LAMB4: variants seen among roughly 807,000 people sequenced by gnomAD.
LAMB4 encodes the protein laminin subunit beta 4.
LAMB4 carries 196 observed loss-of-function variants against 199.2 expected under a neutral mutation model. That is an observed-to-expected ratio of 0.98 (90% CI 0.88 to 1.11). The LOEUF (loss-of-function observed/expected upper bound fraction) is 1.11. LAMB4 is among the 50% of genes least tolerant of loss of function. The pLI is 0.00. For missense variants in LAMB4, 2,080 were observed against 2,171.2 expected (o/e 0.96, Z 0.83); for synonymous variants, 744 against 770.6 (o/e 0.97, Z 0.57).
At chr7:108,119,713 T>A (rs2038533732) in intron 2 of LAMB4, among the ~76,000 whole-genome samples, 1 of 152,086 alleles carries the variant, frequency 6.6e-6, no homozygotes, top group South Asian at 2.1e-4. Flanking sequence ...GGCACATAAA[T>A]CTATATGGTG....
In LAMB4 at chr7:108,095,286, T is replaced by C; in HGVS notation, c.1412A>G (p.Asp471Gly). Residue 471 changes from aspartate to glycine, a missense_variant, in exon 12 of 34, where the codon GAT becomes GGT. Coordinates refer to ENST00000388781, the MANE Select transcript of LAMB4 (RefSeq NM_007356.3). ...GSLPFLTCDV[D>G]TGQCLCLSYV... ...TGACAGGCACAAGCATTGGCCTGTA[T>C]CCACATCACAGGTCAAGAATGGCAG... 6.2e-7 allele frequency: 1 copy of C among 1,614,026 alleles called. No individual in the cohort carries two copies. Among genetic ancestry groups the C allele is most frequent in the Non-Finnish European group, 8.5e-7 (1 of 1,180,016 alleles).
chr7:108,020,448 G>T (rs147190413), downstream of LAMB4, among the ~76,000 whole-genome samples: 5,463 of 142,628 alleles, frequency 0.038, 354 homozygotes, highest in African/African-American at 0.14. Context: ...TCCAGCCTAG[G>T]TGACAGAGCA....
chr7:108,065,323 GA>G (rs145249933), intron 21 of LAMB4, among the ~76,000 whole-genome samples: 23,336 of 151,996 alleles, frequency 0.15, 5,422 homozygotes, highest in African/African-American at 0.5. Flanking sequence ...CAAGCTACCT[GA>G]AAAAAATTAG....
intron 23 of LAMB4, 137 bp from the exon 24 acceptor site, chr7:108,058,065 T>G: frequency 1.5e-6 from 1 of 653,950 alleles, no homozygotes; most frequent in Non-Finnish European, 2.7e-6. Flanking sequence ...GATTCCCATG[T>G]CCAGCAGCCA....
chr7:108,095,262 G>T lies in LAMB4; in HGVS notation c.1436C>A (p.Ser479Ter). The T allele has an allele frequency of 6.2e-7, 1 of 1,613,872 alleles. No homozygotes were observed. Among genetic ancestry groups the T allele is most frequent in the African/African-American group, 1.3e-5 (1 of 75,054 alleles). The change falls in exon 12 of 34, where the codon TCA becomes TAA. Residue 479 changes from serine (S) to a stop codon, truncating the protein, a stop_gained. Transcript: ENST00000388781. LOFTEE classifies it high-confidence loss of function. ...DVDTGQCLCL[S>*]YVTGAHCEEC... ...TTCGCAGTGTGCTCCGGTGACATAT[G>T]ACAGGCACAAGCATTGGCCTGTATC... is the stretch of plus-strand genomic sequence containing the variant.
At chr7:108,098,200 G>C (rs968566090) in intron 11 of LAMB4, among the ~76,000 whole-genome samples, 3 of 152,148 alleles carry the variant, frequency 2.0e-5, no homozygotes, top group African/African-American at 7.2e-5. Context: ...GGGCGTGGTG[G>C]TGGTCGCCTG....
intron 11 of LAMB4, among the ~76,000 whole-genome samples, chr7:108,095,765 G>A (rs1194016343): frequency 6.6e-6 from 1 of 152,082 alleles, no homozygotes; most frequent in Non-Finnish European, 1.5e-5. Flanking sequence ...GTTACTTTTT[G>A]TCTTAATTCC....
rs745455501 is a variant in LAMB4 at position 108,098,400 on chromosome 7, T to TAA, written c.1360+2_1360+3insTT. 1 of 1,585,888 alleles carries TAA rather than the reference T, an allele frequency of 6.3e-7. No individual in the cohort carries two copies. The highest frequency in any genetic ancestry group is 1.1e-5 in the South Asian group (1 of 88,326). On this transcript the variant is annotated splice_region_variant and intron_variant, in intron 11 of 33. Coordinates refer to ENST00000388781, the MANE Select transcript of LAMB4 (RefSeq NM_007356.3). ...CTCCCCCGACCCCCGATTATGGACTTACGCTGGCAGCCCAGGGGGTCGGTG... is the reference window on the plus strand; with the variant it reads ...CTCCCCCGACCCCCGATTATGGACTTAAACGCTGGCAGCCCAGGGGGTCGGTG...
At chr7:108,014,602 G>T in the LAMB4 span, among the ~76,000 whole-genome samples, 3 of 152,050 alleles carry the variant, frequency 2.0e-5, no homozygotes, top group African/African-American at 7.2e-5. Context: ...CTATTTATTT[G>T]CTGTATACAA....
chr7:108,046,827 C>T (rs1008981182), intron 28 of LAMB4, among the ~76,000 whole-genome samples: 52 of 151,548 alleles, frequency 3.4e-4, no homozygotes, highest in African/African-American at 1.1e-3. Flanking sequence ...TCAAATATAC[C>T]CTTACATATT....
intron 17 of LAMB4, among the ~76,000 whole-genome samples, chr7:108,074,380 T>C (rs1030857541): frequency 2.0e-5 from 3 of 152,172 alleles, no homozygotes; most frequent in Non-Finnish European, 2.9e-5. Context: ...ATTTTATTTA[T>C]TTTTTTGAGA....
intron 29 of LAMB4, among the ~76,000 whole-genome samples, chr7:108,041,927 A>G (rs941151919): frequency 6.6e-6 from 1 of 152,260 alleles, no homozygotes; most frequent in Non-Finnish European, 1.5e-5. Flanking sequence ...AGTTCCTTCA[A>G]TCACTTATTC....
intron 28 of LAMB4, among the ~76,000 whole-genome samples, chr7:108,045,443 C>G (rs2035585293): frequency 6.6e-6 from 1 of 152,170 alleles, no homozygotes; most frequent in African/African-American, 2.4e-5. Context: ...AAATAGCACA[C>G]CATTTCATCA....
At chr7:108,077,141 T>C in intron 16 of LAMB4, 77 bp from the exon 17 acceptor site, 2 of 1,467,014 alleles carry the variant, frequency 1.4e-6, no homozygotes, top group Non-Finnish European at 1.9e-6. Context: ...TAGTATTTGG[T>C]AGCATTGCAC....
At chr7:108,050,636 C>A (rs2035797507) in intron 26 of LAMB4, among the ~76,000 whole-genome samples, 1 of 152,124 alleles carries the variant, frequency 6.6e-6, no homozygotes, top group Non-Finnish European at 1.5e-5. Flanking sequence ...CCTATAGAAC[C>A]ATAATCCAGG....
At chr7:108,111,190 G>T (rs935113799) in intron 4 of LAMB4, among the ~76,000 whole-genome samples, 1 of 152,174 alleles carries the variant, frequency 6.6e-6, no homozygotes, top group African/African-American at 2.4e-5. Context: ...CCCATGGCTG[G>T]GGGTGGGACA....
chr7:108,102,117 A>C (rs2037834987), intron 10 of LAMB4, among the ~76,000 whole-genome samples: 1 of 152,214 alleles, frequency 6.6e-6, no homozygotes, highest in South Asian at 2.1e-4. Flanking sequence ...TCCTAGGGAC[A>C]ATGTTTGCAT....
downstream of LAMB4, among the ~76,000 whole-genome samples, chr7:108,021,555 C>G (rs1169298412): frequency 2.6e-5 from 4 of 152,020 alleles, no homozygotes; most frequent in East Asian, 5.8e-4. Flanking sequence ...ACTAAAAATA[C>G]AAAATTAGCC....
At chr7:108,098,846 T>C (rs1563091708) in intron 10 of LAMB4, among the ~76,000 whole-genome samples, 2 of 152,224 alleles carry the variant, frequency 1.3e-5, no homozygotes, top group African/African-American at 4.8e-5. Flanking sequence ...ACTGCTGTTA[T>C]GAAAATTAAG....
Sources: gnomAD v4.1 joint callset for allele counts (sites outside exome capture counted in the v4.1 genomes callset) on GRCh38, gnomAD v4.1.1 for gene constraint, MANE v1.5 for transcripts, NCBI Gene and HGNC (gene_info 2026-07-23, HGNC 2026-07-21) for gene names.